ABCD2: variants seen among roughly 807,000 people sequenced by gnomAD.
ABCD2 encodes ATP-binding cassette sub-family D member 2.
ABCD2 carries 36 observed loss-of-function variants against 70.9 expected under a neutral mutation model. The ratio of observed to expected loss-of-function variants is 0.51; its 90% CI spans 0.39 to 0.67. The LOEUF (loss-of-function observed/expected upper bound fraction) is 0.67. Ranked by LOEUF, ABCD2 falls within the 30% of genes least tolerant of loss-of-function variation. The pLI is 0.00. For missense variants in ABCD2, 729 were observed against 890.2 expected, an observed-to-expected ratio of 0.82 and a Z score of 2.30; for synonymous variants, 304 against 306.9, an observed-to-expected ratio of 0.99 and a Z score of 0.10.
chr12:39,612,665 G>A (rs1942061193), intron 2 of ABCD2, among the ~76,000 whole-genome samples: 1 of 152,084 alleles, frequency 6.6e-6, no homozygotes, highest in Admixed American at 6.5e-5. Flanking sequence ...TTTAAAGTAC[G>A]CCTTTGATAT....
chr12:39,613,139 C>CT (rs1942067518), intron 2 of ABCD2, among the ~76,000 whole-genome samples: 1 of 87,720 alleles, frequency 1.1e-5, no homozygotes, highest in Non-Finnish European at 2.1e-5. Flanking sequence ...GTAATCCCAG[C>CT]ACTTTGGGAG....
intron 5 of ABCD2, among the ~76,000 whole-genome samples, chr12:39,602,359 G>A (rs1187272439): frequency 1.3e-5 from 2 of 151,752 alleles, no homozygotes; most frequent in Non-Finnish European, 2.9e-5. Flanking sequence ...TCACCATGTT[G>A]GCCAGGCTGG....
chr12:39,540,663 T>A, the ABCD2 span, among the ~76,000 whole-genome samples: 1 of 152,220 alleles, frequency 6.6e-6, no homozygotes, highest in Non-Finnish European at 1.5e-5. Context: ...CTATGAGACT[T>A]CAAAAGAACT....
At chr12:39,537,411 A>G in the ABCD2 span, among the ~76,000 whole-genome samples, 1 of 152,244 alleles carries the variant, frequency 6.6e-6, no homozygotes, top group Non-Finnish European at 1.5e-5. Context: ...GGATATTAGG[A>G]TTGAATATAT....
At chr12:39,536,977 C>T in the ABCD2 span, among the ~76,000 whole-genome samples, 12 of 152,170 alleles carry the variant, frequency 7.9e-5, no homozygotes, top group African/African-American at 2.7e-4. Flanking sequence ...CCAGGCTACC[C>T]TCCATTACCA....
intron 2 of ABCD2, among the ~76,000 whole-genome samples, chr12:39,608,847 A>T (rs1591997258): frequency 6.6e-6 from 1 of 152,186 alleles, no homozygotes; most frequent in Non-Finnish European, 1.5e-5. Flanking sequence ...GCTGATTCTC[A>T]TAATCTAGCC....
At chr12:39,584,122 C>G (rs1941633854) in intron 7 of ABCD2, among the ~76,000 whole-genome samples, 1 of 152,162 alleles carries the variant, frequency 6.6e-6, no homozygotes, top group Non-Finnish European at 1.5e-5. Flanking sequence ...AACTGATTTA[C>G]ACTCCCACCA....
At chr12:39,561,868 C>G (rs912307554) in intron 9 of ABCD2, among the ~76,000 whole-genome samples, 1 of 152,106 alleles carries the variant, frequency 6.6e-6, no homozygotes, top group Non-Finnish European at 1.5e-5. Context: ...AAAATTTCAT[C>G]AAAAAGCTTC....
chr12:39,604,689 T>C, intron 4 of ABCD2, 73 bp downstream of exon 4: 2 of 1,247,566 alleles, frequency 1.6e-6, no homozygotes, highest in Non-Finnish European at 2.2e-6. Flanking sequence ...TACTAAAAGC[T>C]ACCTTCTTAA....
intron 6 of ABCD2, among the ~76,000 whole-genome samples, chr12:39,599,124 G>A (rs899428054): frequency 4.6e-4 from 70 of 152,140 alleles, no homozygotes; most frequent in African/African-American, 1.6e-3. Flanking sequence ...GTTTCCTAGT[G>A]ATTTTTGTTT....
the ABCD2 span, among the ~76,000 whole-genome samples, chr12:39,534,929 A>C: frequency 1.4e-5 from 2 of 139,122 alleles, no homozygotes; most frequent in African/African-American, 6.3e-5. Context: ...AGAAAGAAAG[A>C]AAGAAAGAAA....
intron 7 of ABCD2, among the ~76,000 whole-genome samples, chr12:39,581,871 T>C (rs1941600888): frequency 6.6e-6 from 1 of 152,208 alleles, no homozygotes; most frequent in Non-Finnish European, 1.5e-5. Flanking sequence ...TGAGACAAAG[T>C]CAGCAAAGAA....
intron 6 of ABCD2, among the ~76,000 whole-genome samples, chr12:39,593,582 G>A (rs944466334): frequency 1.3e-5 from 2 of 152,196 alleles, no homozygotes; most frequent in South Asian, 4.1e-4. Context: ...TATCCATAAA[G>A]CTTATTTGGT....
chr12:39,560,877 A>G (rs1179647100), intron 9 of ABCD2, among the ~76,000 whole-genome samples: 2 of 152,162 alleles, frequency 1.3e-5, no homozygotes, highest in African/African-American at 4.8e-5. Flanking sequence ...GCCTCATGGT[A>G]ACTACAGAGC....
chr12:39,607,771 CTT>C (rs1169179936), intron 2 of ABCD2, 57 bp from the exon 3 acceptor site: 16 of 957,184 alleles, frequency 1.7e-5, no homozygotes, highest in East Asian at 3.1e-5. Context: ...TTTTTAGTAA[CTT>C]AATGTTTTAT....
At chr12:39,605,140 T>C (rs1941952770) in intron 3 of ABCD2, among the ~76,000 whole-genome samples, 1 of 152,070 alleles carries the variant, frequency 6.6e-6, no homozygotes, top group East Asian at 1.9e-4. Context: ...TTATAAAACA[T>C]AATATACAGA....
At chr12:39,554,997 C>T (rs1032172039) in intron 9 of ABCD2, among the ~76,000 whole-genome samples, 9 of 149,714 alleles carry the variant, frequency 6.0e-5, no homozygotes, top group African/African-American at 1.5e-4. Flanking sequence ...TAACTATGAT[C>T]GGTGGGCTTT....
At chr12:39,608,120 A>T (rs1286146611) in intron 2 of ABCD2, among the ~76,000 whole-genome samples, 1 of 152,006 alleles carries the variant, frequency 6.6e-6, no homozygotes, top group Non-Finnish European at 1.5e-5. Context: ...GTGAACAGAG[A>T]TCATGCCACT....
chr12:39,590,590 T>G (rs1566566234), intron 6 of ABCD2, among the ~76,000 whole-genome samples: 1 of 152,132 alleles, frequency 6.6e-6, no homozygotes, highest in East Asian at 1.9e-4. Context: ...TTCTTTCAAA[T>G]GTATATATAG....
Sources: gnomAD v4.1 joint callset for allele counts (sites outside exome capture counted in the v4.1 genomes callset) on GRCh38, gnomAD v4.1.1 for gene constraint, MANE v1.5 for transcripts, NCBI Gene and HGNC (gene_info 2026-07-23, HGNC 2026-07-21) for gene names.